PAK5: variants seen among roughly 807,000 people sequenced by gnomAD.
The protein encoded by PAK5 is p21 (RAC1) activated kinase 5, also known as serine/threonine-protein kinase PAK 5.
In PAK5, 16 loss-of-function variants were observed where a neutral mutation model predicts 65.9. The observed-to-expected ratio is 0.24, with a 90% CI of 0.16 to 0.37. The LOEUF (loss-of-function observed/expected upper bound fraction) is 0.37, where lower values mean the gene tolerates loss of function less well. PAK5 is among the 10% of genes least tolerant of loss of function. PAK5 has a pLI of 1.00. For synonymous variants in PAK5, 371 were observed against 354.9 expected, an observed-to-expected ratio of 1.05 and a Z score of -0.51; for missense variants, 785 against 903.9, an observed-to-expected ratio of 0.87 and a Z score of 1.69.
At chr20:9,792,894 C>A (rs2049064789) in intron 1 of PAK5, among the ~76,000 whole-genome samples, 1 of 152,070 alleles carries the variant, frequency 6.6e-6, no homozygotes, top group African/African-American at 2.4e-5. Flanking sequence ...AACGTTCTGG[C>A]AGAAAGCGAA....
chr20:9,600,996 A>C (rs545573013), intron 3 of PAK5, among the ~76,000 whole-genome samples: 1 of 152,322 alleles, frequency 6.6e-6, no homozygotes, highest in East Asian at 1.9e-4. Context: ...CTCTGACCCC[A>C]AACAGGCAGG....
chr20:9,708,843 T>C (rs2048041913), intron 2 of PAK5, among the ~76,000 whole-genome samples: 1 of 152,172 alleles, frequency 6.6e-6, no homozygotes, highest in African/African-American at 2.4e-5. Flanking sequence ...ATCCAAGTTA[T>C]GTTCTATGCT....
chr20:9,757,052 C>T (rs1367426835), intron 1 of PAK5, among the ~76,000 whole-genome samples: 1 of 152,126 alleles, frequency 6.6e-6, no homozygotes, highest in Non-Finnish European at 1.5e-5. Flanking sequence ...GATTGAGCAC[C>T]AGTTGTCCAT....
chr20:9,675,917 C>T (rs1173934864), intron 2 of PAK5, among the ~76,000 whole-genome samples: 1 of 150,262 alleles, frequency 6.7e-6, no homozygotes, highest in African/African-American at 2.5e-5. Flanking sequence ...TACAACATAG[C>T]TATAATTGTA....
intron 1 of PAK5, among the ~76,000 whole-genome samples, chr20:9,817,246 T>C (rs1569099969): frequency 1.3e-5 from 2 of 152,222 alleles, no homozygotes; most frequent in African/African-American, 2.4e-5. Context: ...TCAGTTTCCA[T>C]GATTTTAAAT....
chr20:9,769,894 T>A (rs1450958798), intron 1 of PAK5, among the ~76,000 whole-genome samples: 2 of 152,218 alleles, frequency 1.3e-5, no homozygotes, highest in African/African-American at 4.8e-5. Context: ...CTAAATATGG[T>A]ACAAAGAAAT....
rs544140333 is a variant in PAK5 at position 9,675,820 on chromosome 20, T to G, written c.-11-31481A>C. Reference sequence around the variant, plus strand: ...CAAACAAATTAGTCAACTGATACCATGTGTCTTGCTGCTTATTCTGTTAGT... The same window carrying G: ...CAAACAAATTAGTCAACTGATACCAGGTGTCTTGCTGCTTATTCTGTTAGT... On this transcript the variant is annotated intron_variant, in intron 2 of 9. Transcript: ENST00000353224. Among the ~76,000 whole-genome samples, 6 of 152,378 alleles carry G rather than the reference T, an allele frequency of 3.9e-5. No homozygotes were observed. The East Asian group carries it at 1.2e-3, about 29-fold the overall frequency.
At chr20:9,693,348 G>A (rs6039550) in intron 2 of PAK5, among the ~76,000 whole-genome samples, 50,499 of 151,852 alleles carry the variant, frequency 0.33, 9,714 homozygotes, top group African/African-American at 0.53. Flanking sequence ...AGTCAATGCA[G>A]AAACAAAAGT....
At chr20:9,768,020 G>A (rs2048788808) in intron 1 of PAK5, among the ~76,000 whole-genome samples, 1 of 152,192 alleles carries the variant, frequency 6.6e-6, no homozygotes. Flanking sequence ...AGTTAGGGAA[G>A]CATAGTCCTT....
chr20:9,663,419 T>C (rs923184379), intron 2 of PAK5, among the ~76,000 whole-genome samples: 5 of 152,188 alleles, frequency 3.3e-5, no homozygotes, highest in African/African-American at 1.2e-4. Flanking sequence ...AATAGCATTG[T>C]CATTTCCCTC....
intron 3 of PAK5, among the ~76,000 whole-genome samples, chr20:9,602,025 G>A (rs1046148852): frequency 2.0e-5 from 3 of 152,058 alleles, no homozygotes; most frequent in East Asian, 1.9e-4. Flanking sequence ...TGGTGAACTC[G>A]GGATTAAACT....
At chr20:9,549,033 T>C (rs2045387449) in intron 7 of PAK5, among the ~76,000 whole-genome samples, 1 of 152,076 alleles carries the variant, frequency 6.6e-6, no homozygotes, top group African/African-American at 2.4e-5. Context: ...ATTTCACATG[T>C]AGTATGAAAA....
chr20:9,771,740 T>TA (rs1903481358), intron 1 of PAK5, among the ~76,000 whole-genome samples: 1 of 152,082 alleles, frequency 6.6e-6, no homozygotes, highest in Admixed American at 6.6e-5. Context: ...CAAATATTTT[T>TA]AAAATAAACT....
At chr20:9,817,164 T>C (rs1445292497) in intron 1 of PAK5, among the ~76,000 whole-genome samples, 1 of 152,136 alleles carries the variant, frequency 6.6e-6, no homozygotes, top group Non-Finnish European at 1.5e-5. Flanking sequence ...TAAAGAATTA[T>C]GTAAATAAGA....
chr20:9,753,527 T>A (rs1337820593), intron 1 of PAK5, among the ~76,000 whole-genome samples: 1 of 152,114 alleles, frequency 6.6e-6, no homozygotes, highest in African/African-American at 2.4e-5. Context: ...ATTTTTTTCT[T>A]AATTCTTGGG....
At chr20:9,688,681 A>C (rs1309744177) in intron 2 of PAK5, among the ~76,000 whole-genome samples, 1 of 152,026 alleles carries the variant, frequency 6.6e-6, no homozygotes, top group Non-Finnish European at 1.5e-5. Flanking sequence ...GCATGAACAC[A>C]GGATGGGGTG....
intron 2 of PAK5, among the ~76,000 whole-genome samples, chr20:9,651,637 T>C (rs530924885): frequency 1.4e-3 from 213 of 152,298 alleles, no homozygotes; most frequent in Non-Finnish European, 2.7e-3. Context: ...TTTTGTTGTG[T>C]ATATTTCATA....
intron 1 of PAK5, among the ~76,000 whole-genome samples, chr20:9,748,635 T>C (rs2048536930): frequency 6.6e-6 from 1 of 152,122 alleles, no homozygotes. Context: ...TACAGTAAAG[T>C]GCACAAATCT....
chr20:9,561,199 A>T (rs541471283), intron 6 of PAK5, among the ~76,000 whole-genome samples: 50 of 152,264 alleles, frequency 3.3e-4, no homozygotes, highest in South Asian at 1.7e-3. Flanking sequence ...CTGGATGAGA[A>T]AATTAGAAAA....
Sources: allele counts gnomAD v4.1 joint callset (sites outside exome capture counted in the v4.1 genomes callset), GRCh38; gene constraint gnomAD v4.1.1; transcripts MANE v1.5; gene names NCBI Gene and HGNC (gene_info 2026-07-23, HGNC 2026-07-21).